NEK11: variants seen among roughly 807,000 people sequenced by gnomAD.
NEK11 encodes the protein serine/threonine-protein kinase Nek11.
A neutral mutation model predicts 80.7 loss-of-function variants in NEK11; 72 were observed. The ratio of observed to expected loss-of-function variants is 0.89; its 90% confidence interval spans 0.74 to 1.08. NEK11 has a LOEUF of 1.08. Ranked by LOEUF, NEK11 falls within the 50% of genes least tolerant of loss-of-function variation. The pLI is 0.00. For missense variants in NEK11, 764 were observed against 763.6 expected (o/e 1.00, Z -0.01); for synonymous variants, 251 against 260.7 (o/e 0.96, Z 0.36).
rs1040738683 is a variant in NEK11 at position 131,103,781 on chromosome 3, C to T, written c.337-6022C>T. Among the ~76,000 whole-genome samples, 20 of 152,298 alleles carry T rather than the reference C, an allele frequency of 1.3e-4. No individual in the cohort carries two copies. In the East Asian group the frequency reaches 2.7e-3, roughly 21 times the overall value. ...ATTCCTGCTGCGGCCCATGAACCCA[C>T]GTGACTCAACCCTCTTAGTGCTCTG... On this transcript the variant is annotated intron_variant, in intron 4 of 17. Transcript: ENST00000383366.
chr3:131,194,558 G>T (rs2093926212), intron 14 of NEK11, among the ~76,000 whole-genome samples: 1 of 151,834 alleles, frequency 6.6e-6, no homozygotes, highest in South Asian at 2.1e-4. Context: ...TTCATTTTTT[G>T]AGTGAAGCCA....
At chr3:131,124,098 A>C (rs1311013505) in intron 5 of NEK11, among the ~76,000 whole-genome samples, 2 of 152,172 alleles carry the variant, frequency 1.3e-5, no homozygotes, top group African/African-American at 4.8e-5. Flanking sequence ...GCCTTCACAC[A>C]ACAGTAACCA....
intron 17 of NEK11, among the ~76,000 whole-genome samples, chr3:131,338,636 C>T (rs982846606): frequency 3.3e-5 from 5 of 152,150 alleles, no homozygotes; most frequent in Admixed American, 6.5e-5. Flanking sequence ...TGCAGCACAT[C>T]CGTACAGTGA....
chr3:131,156,516 G>A (rs1012262610), intron 10 of NEK11, among the ~76,000 whole-genome samples: 1 of 152,164 alleles, frequency 6.6e-6, no homozygotes, highest in Non-Finnish European at 1.5e-5. Flanking sequence ...CTATCTGGCT[G>A]CCTCTAGTCG....
At chr3:131,262,982 A>G (rs2095960892) in intron 16 of NEK11, among the ~76,000 whole-genome samples, 1 of 152,160 alleles carries the variant, frequency 6.6e-6, no homozygotes, top group Non-Finnish European at 1.5e-5. Context: ...CTCCCTGCAG[A>G]GGAAATGAAC....
chr3:131,336,427 G>A (rs1006890685), intron 17 of NEK11, among the ~76,000 whole-genome samples: 3 of 152,104 alleles, frequency 2.0e-5, no homozygotes, highest in Non-Finnish European at 2.9e-5. Flanking sequence ...ATAGAAAGCC[G>A]AAACTGGATC....
At chr3:131,230,883 C>T (rs2107832134) in intron 15 of NEK11, among the ~76,000 whole-genome samples, 1 of 152,182 alleles carries the variant, frequency 6.6e-6, no homozygotes, top group South Asian at 2.1e-4. Flanking sequence ...GGGGTGGTTT[C>T]CCCAGTACTG....
chr3:131,095,309 A>T (rs2077273502), intron 4 of NEK11, among the ~76,000 whole-genome samples: 2 of 152,102 alleles, frequency 1.3e-5, no homozygotes, highest in Admixed American at 1.3e-4. Context: ...GTGTGAACCT[A>T]AGGTTATCAG....
chr3:131,283,494 A>C lies in NEK11; in HGVS notation c.1718+9920A>C, dbSNP rs74770458. ...GGTATTTGTATTTTGACAGCATCTC[A>C]TTCTCTGAGCTCAGGCTATTACTGT... On this transcript the variant is annotated intron_variant, in intron 17 of 17. Transcript: ENST00000383366. 9.1e-3 allele frequency among the ~76,000 whole-genome samples: 1,370 copies of C among 149,742 alleles called. 22 individuals carry two copies. The highest frequency in any genetic ancestry group is 0.032 in the African/African-American group (1,280 of 40,340).
intron 14 of NEK11, among the ~76,000 whole-genome samples, chr3:131,193,339 C>G (rs927574665): frequency 3.3e-5 from 5 of 152,044 alleles, no homozygotes; most frequent in Admixed American, 1.3e-4. Flanking sequence ...AGGCAAATAA[C>G]ATATTGGTAT....
At chr3:131,340,277 T>C (rs1444448837) in intron 17 of NEK11, among the ~76,000 whole-genome samples, 1 of 152,194 alleles carries the variant, frequency 6.6e-6, no homozygotes, top group African/African-American at 2.4e-5. Flanking sequence ...AAATAGTTCT[T>C]TATACTATTC....
In NEK11 at chr3:131,281,223, T is replaced by C. The variant is rs1387056122; in HGVS notation, c.1718+7649T>C. Reference sequence around the variant, plus strand: ...CCAAAGTCAGATCTATTAAAAGCCATATTTAATGAAGACTAGCTTCTATCC... The same window carrying C: ...CCAAAGTCAGATCTATTAAAAGCCACATTTAATGAAGACTAGCTTCTATCC... On this transcript the variant is annotated intron_variant, in intron 17 of 17. Coordinates refer to ENST00000383366, the MANE Select transcript of NEK11 (RefSeq NM_024800.5). Among the ~76,000 whole-genome samples the C allele has an allele frequency of 4.6e-5, 7 of 152,234 alleles. No individual in the cohort carries two copies. The East Asian group carries it at 1.3e-3, about 29-fold the overall frequency.
At chr3:131,096,541 C>A (rs1350033945) in intron 4 of NEK11, among the ~76,000 whole-genome samples, 2 of 151,892 alleles carry the variant, frequency 1.3e-5, no homozygotes, top group Non-Finnish European at 2.9e-5. Flanking sequence ...TGGGTATATT[C>A]ACAGTAATGA....
chr3:131,349,513 C>G (rs1467663663), intron 17 of NEK11, 44 bp from the exon 18 acceptor site: 3 of 1,494,632 alleles, frequency 2.0e-6, no homozygotes, highest in Non-Finnish European at 2.8e-6. Flanking sequence ...TGCAGGTGAT[C>G]TTAATGTGTA....
intron 3 of NEK11, among the ~76,000 whole-genome samples, chr3:131,044,422 C>CAAAAAAAAAAAA (rs57412173): frequency 5.3e-5 from 2 of 37,764 alleles, no homozygotes; most frequent in Non-Finnish European, 7.9e-5. Context: ...AAATGGAAAG[C>CAAAAAAAAAAAA]AAAAAAAAAA....
chr3:131,331,975 G>A (rs915997547), intron 17 of NEK11, among the ~76,000 whole-genome samples: 1 of 152,232 alleles, frequency 6.6e-6, no homozygotes, highest in South Asian at 2.1e-4. Context: ...CTTGAGCTGG[G>A]TGGAGCCCAC....
chr3:131,317,648 A>G (rs2096853870), intron 17 of NEK11, among the ~76,000 whole-genome samples: 1 of 151,206 alleles, frequency 6.6e-6, no homozygotes, highest in Non-Finnish European at 1.5e-5. Context: ...TAATCCTAGC[A>G]CTTTGGGAGG....
At chr3:131,339,960 G>C (rs186574043) in intron 17 of NEK11, among the ~76,000 whole-genome samples, 2 of 152,322 alleles carry the variant, frequency 1.3e-5, no homozygotes, top group African/African-American at 4.8e-5. Flanking sequence ...TCCCAAAGGC[G>C]TGAGCAATGC....
intron 14 of NEK11, among the ~76,000 whole-genome samples, chr3:131,186,787 A>C (rs2093618036): frequency 6.6e-6 from 1 of 152,218 alleles, no homozygotes; most frequent in Non-Finnish European, 1.5e-5. Context: ...CTTGGTAGGC[A>C]TAACCATGAC....
Sources: allele counts gnomAD v4.1 joint callset (sites outside exome capture counted in the v4.1 genomes callset), GRCh38; gene constraint gnomAD v4.1.1; transcripts MANE v1.5; gene names NCBI Gene and HGNC (gene_info 2026-07-23, HGNC 2026-07-21).